The following SOX6 variants were observed in gnomAD, a reference collection of about 807,000 sequenced individuals.
The protein encoded by SOX6 is transcription factor SOX-6.
SOX6 carries 11 observed loss-of-function variants against 97.8 expected under a neutral mutation model. The observed-to-expected ratio is 0.11, with a 90% CI of 0.07 to 0.19. SOX6 has a LOEUF of 0.19. SOX6 is among the 10% of genes least tolerant of loss of function. SOX6 has a pLI of 1.00. For synonymous variants in SOX6, 360 were observed against 371.4 expected, an observed-to-expected ratio of 0.97 and a Z score of 0.35; for missense variants, 810 against 1,039.5, an observed-to-expected ratio of 0.78 and a Z score of 3.04.
intron 4 of SOX6, among the ~76,000 whole-genome samples, chr11:16,220,108 T>C (rs542096692): frequency 4.5e-4 from 69 of 152,202 alleles, no homozygotes; most frequent in Non-Finnish European, 7.5e-4. Context: ...AAAAATCTCA[T>C]TGTAACTTTT....
At chr11:16,239,598 C>T (rs368782845) in intron 3 of SOX6, among the ~76,000 whole-genome samples, 2 of 152,172 alleles carry the variant, frequency 1.3e-5, no homozygotes, top group South Asian at 2.1e-4. Context: ...AATGTTTTTG[C>T]TATCTTAAAA....
At chr11:16,245,002 T>G (rs1255171672) in intron 3 of SOX6, among the ~76,000 whole-genome samples, 1 of 151,796 alleles carries the variant, frequency 6.6e-6, no homozygotes, top group Non-Finnish European at 1.5e-5. Flanking sequence ...AAAGACTTTC[T>G]GGAATTCTGA....
Position 15,968,441 on chromosome 11 carries a change from G to T in SOX6, c.*4368C>A, listed in dbSNP as rs1443974600. 1 of 152,152 alleles carries T rather than the reference G, an allele frequency of 6.6e-6. No individual in the cohort carries two copies. Among genetic ancestry groups the T allele is most frequent in the African/African-American group, 2.4e-5 (1 of 41,430 alleles). The allele number at this position is 152,152 out of a possible 1,614,324, so 9.4% of individuals were successfully genotyped here. A position where few individuals can be genotyped will look rare whatever the true frequency, so the allele number is the denominator to read the frequency against. Reference sequence around the variant, plus strand: ...TTCTTTTTCCTCTCCCTAATGAGTTGGTAGAGGTCAATTCTTTGCAAAATG... The same window carrying T: ...TTCTTTTTCCTCTCCCTAATGAGTTTGTAGAGGTCAATTCTTTGCAAAATG... On this transcript the variant is annotated 3_prime_UTR_variant, in exon 16 of 16. Transcript: ENST00000683767.
intron 2 of SOX6, among the ~76,000 whole-genome samples, chr11:16,729,739 A>G (rs1049647622): frequency 2.0e-5 from 3 of 152,180 alleles, no homozygotes; most frequent in African/African-American, 4.8e-5. Context: ...TTAACCTTAA[A>G]TGTAAATGAG....
chr11:16,335,789 T>C (rs546568435), intron 2 of SOX6, among the ~76,000 whole-genome samples: 46 of 152,064 alleles, frequency 3.0e-4, no homozygotes, highest in Non-Finnish European at 5.7e-4. Flanking sequence ...CACAAAACAC[T>C]CCAGAGTTGA....
rs1324607185 is a variant in SOX6 at position 16,341,240 on chromosome 11, G to C, written c.9C>G (p.Ser3=). The C allele has an allele frequency of 6.2e-7, 1 of 1,613,112 alleles. No individual in the cohort carries two copies. Among genetic ancestry groups the C allele is most frequent in the East Asian group, 2.2e-5 (1 of 44,788 alleles). MS[S]KQATSPFACA... ...AGGCAAATGGAGAGGTGGCTTGCTT[G>C]GAAGACATTCTTCTGCAGAAAAAAA... The change falls in exon 2 of 16, where the codon TCC becomes TCG. Residue 3 remains serine (S), a synonymous_variant. Coordinates refer to ENST00000683767, the MANE Select transcript of SOX6 (RefSeq NM_001367873.1).
At chr11:16,159,601 C>T (rs1203181246) in intron 6 of SOX6, among the ~76,000 whole-genome samples, 1 of 151,996 alleles carries the variant, frequency 6.6e-6, no homozygotes, top group African/African-American at 2.4e-5. Flanking sequence ...AAAATATATA[C>T]CTACAGATTT....
chr11:16,651,812 T>C (rs1169529440), intron 3 of SOX6, among the ~76,000 whole-genome samples: 2 of 152,126 alleles, frequency 1.3e-5, no homozygotes, highest in Non-Finnish European at 2.9e-5. Context: ...GGCATCCAAA[T>C]TGGTAAAGAG....
chr11:16,401,261 T>G (rs2134442492), intron 1 of SOX6, among the ~76,000 whole-genome samples: 1 of 151,656 alleles, frequency 6.6e-6, no homozygotes, highest in Non-Finnish European at 1.5e-5. Flanking sequence ...AGATTCTGGA[T>G]CCTATGCTAG....
intron 3 of SOX6, among the ~76,000 whole-genome samples, chr11:16,617,323 G>A (rs1020648064): frequency 3.3e-5 from 5 of 151,726 alleles, no homozygotes; most frequent in South Asian, 2.1e-4. Context: ...ACTTATTCAC[G>A]CTTAAAGTTC....
chr11:16,477,683 TA>T (rs952171085), upstream of SOX6, among the ~76,000 whole-genome samples: 32 of 152,298 alleles, frequency 2.1e-4, no homozygotes, highest in Admixed American at 1.6e-3. Context: ...AAAAAATCTC[TA>T]AAAAAAGTTT....
chr11:16,504,658 T>C (rs1860757943), intron 4 of SOX6, among the ~76,000 whole-genome samples: 2 of 152,178 alleles, frequency 1.3e-5, no homozygotes, highest in African/African-American at 4.8e-5. Context: ...CAGATATGGT[T>C]TGGCTCTGCG....
intron 4 of SOX6, among the ~76,000 whole-genome samples, chr11:16,549,333 C>T (rs893810829): frequency 3.3e-5 from 5 of 151,848 alleles, no homozygotes; most frequent in African/African-American, 9.7e-5. Context: ...CCACGCCTGG[C>T]TAATTTTGTA....
chr11:16,635,016 C>T (rs947996444), intron 3 of SOX6, among the ~76,000 whole-genome samples: 1 of 152,154 alleles, frequency 6.6e-6, no homozygotes, highest in Admixed American at 6.5e-5. Flanking sequence ...TTCCTGAGGC[C>T]TCCTCTGCCC....
At chr11:16,594,967 C>T (rs1848195492) in intron 4 of SOX6, among the ~76,000 whole-genome samples, 1 of 152,148 alleles carries the variant, frequency 6.6e-6, no homozygotes, top group Non-Finnish European at 1.5e-5. Flanking sequence ...GCTGGGATTA[C>T]AGGCGTGAGC....
intron 6 of SOX6, among the ~76,000 whole-genome samples, chr11:16,117,074 G>A (rs1849365003): frequency 6.6e-6 from 1 of 152,148 alleles, no homozygotes; most frequent in Non-Finnish European, 1.5e-5. Context: ...AGGCAGCTGG[G>A]CGTGGTGGCT....
chr11:16,266,094 G>T (rs1463775054), intron 3 of SOX6, among the ~76,000 whole-genome samples: 1 of 151,482 alleles, frequency 6.6e-6, no homozygotes. Context: ...CCAAGCACAA[G>T]AAATATGAAG....
intron 3 of SOX6, among the ~76,000 whole-genome samples, chr11:16,645,173 C>A (rs1278964580): frequency 6.6e-6 from 1 of 152,126 alleles, no homozygotes; most frequent in African/African-American, 2.4e-5. Context: ...AGCTTTCAAT[C>A]AAATTTTTTT....
At chr11:16,382,958 T>C (rs1452769109) in intron 1 of SOX6, among the ~76,000 whole-genome samples, 4 of 151,900 alleles carry the variant, frequency 2.6e-5, no homozygotes, top group Non-Finnish European at 4.4e-5. Flanking sequence ...AACTTTTTGC[T>C]CCCTTTTCAT....
Sources: gnomAD v4.1 joint callset for allele counts (sites outside exome capture counted in the v4.1 genomes callset) on GRCh38, gnomAD v4.1.1 for gene constraint, MANE v1.5 for transcripts, NCBI Gene and HGNC (gene_info 2026-07-23, HGNC 2026-07-21) for gene names.